Variants in SPAG16 observed in about 807,000 individuals in gnomAD.
SPAG16 encodes the protein sperm-associated antigen 16 protein.
Under a neutral mutation model 80.4 loss-of-function variants are expected in SPAG16, and 86 were observed. That is an observed-to-expected ratio of 1.07 (90% CI 0.90 to 1.28). The LOEUF (loss-of-function observed/expected upper bound fraction) is 1.28, where lower values mean the gene tolerates loss of function less well. Among genes scored for constraint, SPAG16 ranks in the 50% most tolerant of loss-of-function variants. The pLI is 0.00. For synonymous variants in SPAG16, 294 were observed against 265.9 expected, an observed-to-expected ratio of 1.11 and a Z score of -1.03; for missense variants, 870 against 765.3, an observed-to-expected ratio of 1.14 and a Z score of -1.61.
At chr2:213,705,125 A>G (rs988994974) in intron 10 of SPAG16, among the ~76,000 whole-genome samples, 4 of 152,010 alleles carry the variant, frequency 2.6e-5, no homozygotes. Flanking sequence ...GGGGGTGCCT[A>G]TAGTCGCAGC....
chr2:213,785,587 A>T (rs555938712), intron 10 of SPAG16, among the ~76,000 whole-genome samples: 37 of 152,306 alleles, frequency 2.4e-4, no homozygotes, highest in African/African-American at 8.4e-4. Context: ...TAAACTAGTG[A>T]TTTATAAGGT....
intron 10 of SPAG16, among the ~76,000 whole-genome samples, chr2:213,635,087 G>A (rs1361044178): frequency 6.6e-6 from 1 of 151,098 alleles, no homozygotes; most frequent in South Asian, 2.1e-4. Flanking sequence ...CCAGGCTGGG[G>A]TGCAGTGATG....
At position 213,837,976 on chromosome 2, in the gene SPAG16, T is replaced by C. The variant is rs936239402; in HGVS notation, c.1071-24509T>C. On this transcript the variant is annotated intron_variant, in intron 10 of 15. Transcript: ENST00000331683. The stretch of plus-strand genomic sequence containing the variant: ...ATTAAGATGCCAAAGAGGCATATTT[T>C]AGGGTGAAATATTCCTGTCTCCAAC... Among the ~76,000 whole-genome samples the C allele has an allele frequency of 1.6e-4, 25 of 152,266 alleles. No homozygotes were observed. In the East Asian group the frequency reaches 4.1e-3, roughly 25 times the overall value.
At chr2:213,890,201 A>G (rs9288478) in intron 11 of SPAG16, among the ~76,000 whole-genome samples, 90,300 of 151,836 alleles carry the variant, frequency 0.59, 28,734 homozygotes, top group South Asian at 0.85. Context: ...TTCTAAGCTA[A>G]TGACTTTAGT....
At chr2:213,329,726 A>G (rs2064003818) in intron 5 of SPAG16, among the ~76,000 whole-genome samples, 1 of 152,204 alleles carries the variant, frequency 6.6e-6, no homozygotes, top group Non-Finnish European at 1.5e-5. Context: ...GCTGAATGTT[A>G]ATCACCAAGA....
At position 213,859,178 on chromosome 2, in the gene SPAG16, C is replaced by CAAAAAAAAAAAAAAAAAA. The variant is rs1165853142; in HGVS notation, c.1071-3286_1071-3269dup. On this transcript the variant is annotated intron_variant, in intron 10 of 15. Coordinates refer to ENST00000331683, the MANE Select transcript of SPAG16 (RefSeq NM_024532.5). ...TGGGCAACAGAGCGACACTCCGTCT[C>CAAAAAAAAAAAAAAAAAA]AAAAAAAAAAAAAAAAAAAAAAAAA... Among the ~76,000 whole-genome samples the CAAAAAAAAAAAAAAAAAA allele has an allele frequency of 1.2e-3, 11 of 9,378 alleles. 4 individuals are homozygous for CAAAAAAAAAAAAAAAAAA. The highest frequency in any genetic ancestry group is 1.6e-3 in the Non-Finnish European group (9 of 5,530). The allele number at this position is 9,378 out of a possible 152,430, so 6.2% of individuals were successfully genotyped here. A position where few individuals can be genotyped will look rare whatever the true frequency, so the allele number is the denominator to read the frequency against.
chr2:214,250,749 TATATATATAGAG>T lies in SPAG16; in HGVS notation c.1720+101485_1720+101496del, dbSNP rs1443443548. 3.6e-3 allele frequency among the ~76,000 whole-genome samples: 330 copies of T among 92,776 alleles called. 3 individuals carry two copies. The highest frequency in any genetic ancestry group is 0.019 in the Middle Eastern group (3 of 156). The allele number at this position is 92,776 out of a possible 152,430, so 60.9% of individuals were successfully genotyped here. A position where few individuals can be genotyped will look rare whatever the true frequency, so the allele number is the denominator to read the frequency against. ...GAGCTTTGAGATATATATATATATA[TATATATATAGAG>T]AGAGAGAGAGAGAGAGAGAGAGAGA... is the stretch of plus-strand genomic sequence containing the variant. On this transcript the variant is annotated intron_variant, in intron 15 of 15. Transcript: ENST00000331683.
intron 13 of SPAG16, among the ~76,000 whole-genome samples, chr2:214,057,332 G>A (rs2049998993): frequency 1.3e-5 from 2 of 151,984 alleles, no homozygotes; most frequent in African/African-American, 4.8e-5. Flanking sequence ...GTGTTATCAG[G>A]CATCAAAACA....
intron 12 of SPAG16, among the ~76,000 whole-genome samples, chr2:213,961,134 G>A (rs1487019353): frequency 1.3e-5 from 2 of 152,098 alleles, no homozygotes; most frequent in African/African-American, 4.8e-5. Flanking sequence ...TAGTTATATT[G>A]GTCAGATTCT....
intron 9 of SPAG16, among the ~76,000 whole-genome samples, chr2:213,441,337 G>A (rs1247005251): frequency 1.3e-5 from 2 of 152,142 alleles, no homozygotes; most frequent in Admixed American, 1.3e-4. Flanking sequence ...ACTGTAATAT[G>A]GAGCAAAATG....
chr2:214,369,833 A>T (rs1351508999), intron 15 of SPAG16, among the ~76,000 whole-genome samples: 1 of 152,090 alleles, frequency 6.6e-6, no homozygotes, highest in Non-Finnish European at 1.5e-5. Flanking sequence ...CTCTGCTAAG[A>T]TGATATTCTA....
At chr2:213,658,242 C>G (rs1260126832) in intron 10 of SPAG16, among the ~76,000 whole-genome samples, 3 of 152,074 alleles carry the variant, frequency 2.0e-5, no homozygotes, top group African/African-American at 7.2e-5. Flanking sequence ...CTGGTGTGCT[C>G]CACTTTTTGC....
chr2:213,858,189 C>T (rs2075261076), intron 10 of SPAG16, among the ~76,000 whole-genome samples: 1 of 152,078 alleles, frequency 6.6e-6, no homozygotes, highest in Admixed American at 6.5e-5. Context: ...AGGGTTGACT[C>T]CAATTTTGAA....
intron 10 of SPAG16, among the ~76,000 whole-genome samples, chr2:213,699,474 A>G (rs1471321590): frequency 2.6e-5 from 4 of 152,184 alleles, no homozygotes; most frequent in Non-Finnish European, 2.9e-5. Flanking sequence ...AATTTAAAGA[A>G]AATTTCTCAA....
intron 9 of SPAG16, among the ~76,000 whole-genome samples, chr2:213,413,001 G>C (rs900739006): frequency 6.6e-6 from 1 of 152,102 alleles, no homozygotes; most frequent in African/African-American, 2.4e-5. Context: ...TGTATAATGT[G>C]AGGATCTTTA....
intron 1 of SPAG16, among the ~76,000 whole-genome samples, chr2:213,287,168 A>G (rs546273406): frequency 2.0e-5 from 3 of 152,376 alleles, no homozygotes; most frequent in African/African-American, 7.2e-5. Context: ...TTAGAAAAAT[A>G]CTTGCAGCAT....
intron 15 of SPAG16, among the ~76,000 whole-genome samples, chr2:214,177,047 G>A (rs905546300): frequency 1.3e-5 from 2 of 150,962 alleles, no homozygotes; most frequent in Non-Finnish European, 3.0e-5. Flanking sequence ...AATTATTTAA[G>A]AATTAAGATT....
chr2:213,404,839 T>A (rs915206521), intron 9 of SPAG16, among the ~76,000 whole-genome samples: 40 of 149,260 alleles, frequency 2.7e-4, no homozygotes, highest in African/African-American at 1.0e-3. Context: ...TTTGATTCTT[T>A]AAAATTTTTT....
At chr2:213,774,173 T>C (rs2069428921) in intron 10 of SPAG16, among the ~76,000 whole-genome samples, 1 of 152,202 alleles carries the variant, frequency 6.6e-6, no homozygotes, top group Non-Finnish European at 1.5e-5. Flanking sequence ...CTTTTGCCTA[T>C]TGGTTATGTG....
Sources: gnomAD v4.1 joint callset for allele counts (sites outside exome capture counted in the v4.1 genomes callset) on GRCh38, gnomAD v4.1.1 for gene constraint, MANE v1.5 for transcripts, NCBI Gene and HGNC (gene_info 2026-07-23, HGNC 2026-07-21) for gene names.